Variants in PROM1 observed in about 807,000 individuals in gnomAD.
PROM1 encodes prominin-1.
In PROM1, 105 loss-of-function variants were observed where a neutral mutation model predicts 116.9. The observed-to-expected ratio is 0.90, with a 90% confidence interval of 0.77 to 1.06. PROM1 has a LOEUF of 1.06. Among genes scored for constraint, PROM1 ranks in the 50% least tolerant of loss-of-function variants. The probability of loss-of-function intolerance (pLI) is 0.00; values close to 1 mark genes in which losing one functional copy is unlikely to be tolerated. For missense variants in PROM1, 1,122 were observed against 1,045.2 expected (o/e 1.07, Z -1.01); for synonymous variants, 393 against 387.0 (o/e 1.02, Z -0.18).
chr4:15,983,982 G>A (rs910581540), intron 23 of PROM1, among the ~76,000 whole-genome samples: 2 of 152,166 alleles, frequency 1.3e-5, no homozygotes, highest in South Asian at 2.1e-4. Context: ...TGAGAAATCT[G>A]CACACCCGTG....
chr4:16,025,375 G>A, intron 5 of PROM1, 63 bp from the exon 6 acceptor site: 1 of 1,592,558 alleles, frequency 6.3e-7, no homozygotes, highest in South Asian at 1.1e-5. Context: ...CTTTGTCCAG[G>A]TCCAGGCAGC....
chr4:15,997,352 C>G (rs1215029841), intron 15 of PROM1, among the ~76,000 whole-genome samples: 1 of 147,842 alleles, frequency 6.8e-6, no homozygotes, highest in Non-Finnish European at 1.5e-5. Context: ...TCTTAGCTCA[C>G]TGTGTAGTGT....
intron 15 of PROM1, among the ~76,000 whole-genome samples, chr4:15,997,434 T>C (rs1722613301): frequency 2.0e-5 from 3 of 148,494 alleles, no homozygotes; most frequent in Admixed American, 6.8e-5. Context: ...AGGTCAGGAG[T>C]TGTTATATAT....
At chr4:16,005,044 C>T (rs1725049896) in intron 13 of PROM1, among the ~76,000 whole-genome samples, 1 of 148,694 alleles carries the variant, frequency 6.7e-6, no homozygotes. Context: ...CTCACTGTAA[C>T]CTTTGCCTCC....
At chr4:16,045,151 T>G (rs183792239) in intron 2 of PROM1, among the ~76,000 whole-genome samples, 1 of 152,244 alleles carries the variant, frequency 6.6e-6, no homozygotes, top group Non-Finnish European at 1.5e-5. Flanking sequence ...GTGTGTTGCC[T>G]CTTCCTCCTT....
At chr4:15,989,358 A>G (rs1383475413) in intron 19 of PROM1, among the ~76,000 whole-genome samples, 1 of 152,132 alleles carries the variant, frequency 6.6e-6, no homozygotes, top group African/African-American at 2.4e-5. Context: ...GGATCTACAC[A>G]GAGAAGCACT....
intron 13 of PROM1, among the ~76,000 whole-genome samples, chr4:16,005,661 G>T (rs1191300134): frequency 6.6e-6 from 1 of 152,108 alleles, no homozygotes; most frequent in African/African-American, 2.4e-5. Context: ...GGATAAATGA[G>T]AGAACACGAC....
rs902101079 is a variant in PROM1, at chr4:16,033,335, T to C, written c.478A>G (p.Ile160Val). Residue 160 changes from isoleucine (I) to valine (V), a missense_variant, in exon 5 of 28, where the codon ATC (isoleucine) becomes GTC (valine). Ile to Val is a conservative substitution (Grantham distance 29, BLOSUM62 3). Coordinates refer to ENST00000447510, the MANE Select transcript of PROM1 (RefSeq NM_006017.3). ...NGPFLRKCFAISLLVICIIIS... is the reference protein window; with the variant it reads ...NGPFLRKCFAVSLLVICIIIS... ...ATTATACAAATCACCAACAGGGAGA[T>C]TGCAAAGCATTTCCTCAGGAAGGGC... The C allele has an allele frequency of 6.2e-7, 1 of 1,613,826 alleles. No homozygotes were observed. The highest frequency in any genetic ancestry group is 8.5e-7 in the Non-Finnish European group (1 of 1,179,796).
chr4:16,007,036 TA>T (rs1478563820), intron 12 of PROM1, among the ~76,000 whole-genome samples: 1 of 152,172 alleles, frequency 6.6e-6, no homozygotes, highest in East Asian at 1.9e-4. Context: ...AAAACACCCT[TA>T]AGATTTTTAT....
At chr4:16,055,849 C>A (rs745669855) in intron 2 of PROM1, among the ~76,000 whole-genome samples, 10 of 151,686 alleles carry the variant, frequency 6.6e-5, no homozygotes, top group African/African-American at 2.4e-4. Context: ...GGAAATTAAT[C>A]GTATCTTTTG....
intron 22 of PROM1, 48 bp from the exon 23 acceptor site, chr4:15,984,403 C>A: frequency 7.3e-7 from 1 of 1,365,928 alleles, no homozygotes. Context: ...TCCACAAAAA[C>A]CCAAAGGAAT....
At chr4:16,053,636 C>T (rs1254139429) in intron 2 of PROM1, among the ~76,000 whole-genome samples, 2 of 151,920 alleles carry the variant, frequency 1.3e-5, no homozygotes, top group African/African-American at 2.4e-5. Flanking sequence ...GGGAAAATGA[C>T]GTTATGTTTG....
At chr4:16,081,261 T>G (rs557773521) in intron 1 of PROM1, among the ~76,000 whole-genome samples, 7 of 152,152 alleles carry the variant, frequency 4.6e-5, no homozygotes, top group Admixed American at 4.6e-4. Flanking sequence ...CCCCTTCCTG[T>G]GTCCAAGTGT....
At chr4:16,053,383 C>T (rs6825163) in intron 2 of PROM1, among the ~76,000 whole-genome samples, 4,394 of 152,324 alleles carry the variant, frequency 0.029, 212 homozygotes, top group African/African-American at 0.1. Context: ...GTTTATCAAG[C>T]TCAAAACTTT....
intron 8 of PROM1, among the ~76,000 whole-genome samples, chr4:16,020,338 T>G (rs756101379): frequency 6.6e-6 from 1 of 152,198 alleles, no homozygotes; most frequent in Non-Finnish European, 1.5e-5. Context: ...TGTAATAATA[T>G]TTAGGACTAT....
chr4:16,014,682 TG>T (rs1201747873), intron 10 of PROM1, among the ~76,000 whole-genome samples: 2 of 152,140 alleles, frequency 1.3e-5, no homozygotes, highest in Non-Finnish European at 2.9e-5. Context: ...TAGGCATAAA[TG>T]GGTTAATAGA....
chr4:16,073,576 A>G (rs1368401802), intron 2 of PROM1, among the ~76,000 whole-genome samples: 1 of 152,184 alleles, frequency 6.6e-6, no homozygotes, highest in Non-Finnish European at 1.5e-5. Flanking sequence ...TAAACTCAAT[A>G]TTATATTACT....
intron 4 of PROM1, among the ~76,000 whole-genome samples, chr4:16,034,209 C>T (rs1733475771): frequency 6.6e-6 from 1 of 152,136 alleles, no homozygotes; most frequent in African/African-American, 2.4e-5. Context: ...TTTGGATTGG[C>T]TGGCAAACAA....
chr4:15,996,325 C>A (rs1259704874), intron 15 of PROM1, among the ~76,000 whole-genome samples: 1 of 152,168 alleles, frequency 6.6e-6, no homozygotes, highest in African/African-American at 2.4e-5. Context: ...GCCTGACCAA[C>A]ATGGTGAAAC....
Sources: allele counts gnomAD v4.1 joint callset (sites outside exome capture counted in the v4.1 genomes callset), GRCh38; gene constraint gnomAD v4.1.1; transcripts MANE v1.5; gene names NCBI Gene and HGNC (gene_info 2026-07-23, HGNC 2026-07-21).